Variants in USP40 observed in about 807,000 individuals in gnomAD.
The protein encoded by USP40 is ubiquitin specific peptidase 40, also known as ubiquitin carboxyl-terminal hydrolase 40.
USP40 carries 143 observed loss-of-function variants against 166.2 expected under a neutral mutation model. The observed-to-expected ratio is 0.86, with a 90% CI of 0.75 to 0.99. The LOEUF (loss-of-function observed/expected upper bound fraction) is 0.99, where lower values mean the gene tolerates loss of function less well. USP40 is among the 50% of genes least tolerant of loss of function. The pLI, the probability that USP40 is intolerant of heterozygous loss-of-function variation, is 0.00. For synonymous variants in USP40, 498 were observed against 524.0 expected (o/e 0.95, Z 0.68); for missense variants, 1,444 against 1,479.7 (o/e 0.98, Z 0.40).
At chr2:233,532,658 C>A (rs558812322) in intron 11 of USP40, among the ~76,000 whole-genome samples, 2 of 152,274 alleles carry the variant, frequency 1.3e-5, no homozygotes, top group South Asian at 2.1e-4. Context: ...AGAACCTGGA[C>A]AACTTGCACT....
At position 233,529,415 on chromosome 2, in the gene USP40, A is replaced by C. The variant is rs371106634; in HGVS notation, c.1553+16T>G. 7 of 1,551,162 alleles carry C rather than the reference A, an allele frequency of 4.5e-6. No homozygotes were observed. In the African/African-American group the frequency reaches 8.2e-5, roughly 18 times the overall value. ...TCCGGAATACTAGTCAAACTCTAAA[A>C]GCAATTTAAAATTACCTTTTGGTTT... On this transcript the variant is annotated intron_variant, in intron 12 of 31. Coordinates refer to ENST00000678225, the MANE Select transcript of USP40 (RefSeq NM_001365479.2).
At chr2:233,543,941 A>G (rs2069662803) in intron 8 of USP40, among the ~76,000 whole-genome samples, 1 of 152,230 alleles carries the variant, frequency 6.6e-6, no homozygotes, top group Admixed American at 6.5e-5. Flanking sequence ...TCAAACAACA[A>G]TCAATTCTCC....
intron 25 of USP40, 37 bp from the exon 26 acceptor site, chr2:233,491,298 T>G (rs2065321222): frequency 2.8e-6 from 4 of 1,436,756 alleles, no homozygotes; most frequent in Non-Finnish European, 3.9e-6. Flanking sequence ...ACAAGGAACT[T>G]GAAACTTATT....
At chr2:233,537,021 T>C (rs10929200) in intron 10 of USP40, among the ~76,000 whole-genome samples, 124,387 of 151,888 alleles carry the variant, frequency 0.82, 51,143 homozygotes, top group East Asian at 0.96. Context: ...ATAGCTGGGA[T>C]TACATGTGCG....
chr2:233,550,195 A>G (rs2070424769), intron 7 of USP40, among the ~76,000 whole-genome samples: 1 of 152,134 alleles, frequency 6.6e-6, no homozygotes, highest in African/African-American at 2.4e-5. Flanking sequence ...AGTGGGCAGC[A>G]TTTTAAAATG....
intron 24 of USP40, among the ~76,000 whole-genome samples, chr2:233,494,939 T>A (rs376775598): frequency 1.7e-4 from 8 of 47,482 alleles, no homozygotes; most frequent in Non-Finnish European, 2.5e-4. Context: ...TATATATATA[T>A]ATATATATAT....
chr2:233,514,768 G>T (rs997971116), intron 18 of USP40, among the ~76,000 whole-genome samples: 1 of 152,122 alleles, frequency 6.6e-6, no homozygotes, highest in Non-Finnish European at 1.5e-5. Context: ...ACTTTACTGA[G>T]TTATAATTTT....
chr2:233,521,862 TATG>T (rs1315932276), intron 16 of USP40, among the ~76,000 whole-genome samples: 3 of 152,230 alleles, frequency 2.0e-5, no homozygotes, highest in Non-Finnish European at 4.4e-5. Flanking sequence ...TGAAAAACTG[TATG>T]ATAATTATGA....
At chr2:233,511,827 G>A (rs1026045694) in intron 19 of USP40, 30 bp from the exon 20 acceptor site, 11 of 1,503,942 alleles carry the variant, frequency 7.3e-6, no homozygotes, top group Non-Finnish European at 9.1e-6. Flanking sequence ...TATGATGAAG[G>A]TTATTAATTC....
chr2:233,508,820 C>G (rs917251756), intron 21 of USP40, among the ~76,000 whole-genome samples: 3 of 152,188 alleles, frequency 2.0e-5, no homozygotes, highest in African/African-American at 7.2e-5. Flanking sequence ...GGTAACTGCA[C>G]ATTTTTGTAT....
intron 11 of USP40, among the ~76,000 whole-genome samples, chr2:233,532,188 C>T (rs1292086273): frequency 1.3e-5 from 2 of 152,194 alleles, no homozygotes; most frequent in African/African-American, 4.8e-5. Flanking sequence ...GTAGGGTCTT[C>T]GTTTGCATCT....
At chr2:233,565,723 A>G in intron 1 of USP40, 150 bp from the exon 2 acceptor site, 1 of 672,614 alleles carries the variant, frequency 1.5e-6, no homozygotes, top group Non-Finnish European at 2.4e-6. Context: ...AGGCAGCAAG[A>G]TCTAGATTTT....
chr2:233,553,690 A>G (rs1274493824), intron 6 of USP40, among the ~76,000 whole-genome samples: 1 of 152,252 alleles, frequency 6.6e-6, no homozygotes, highest in Non-Finnish European at 1.5e-5. Context: ...CCTGGAATGG[A>G]AAATAACTAT....
At chr2:233,528,534 T>C (rs4233627) in intron 12 of USP40, among the ~76,000 whole-genome samples, 120,410 of 152,140 alleles carry the variant, frequency 0.79, 47,741 homozygotes, top group East Asian at 0.87. Flanking sequence ...TGCGGGTTGA[T>C]GACAGCCCCT....
rs78442705 is a variant in USP40, at chr2:233,481,967, C to T, written c.3505-670G>A. 1.5e-3 allele frequency among the ~76,000 whole-genome samples: 232 copies of T among 152,302 alleles called. 4 individuals carry two copies. Among genetic ancestry groups the T allele is most frequent in the African/African-American group, 5.2e-3 (218 of 41,556 alleles). On this transcript the variant is annotated intron_variant, in intron 30 of 31. Transcript: ENST00000678225. ...GACACAGCGCAGGGTCTGCGGGGTT[C>T]GTGCTGGGGGTTGCCCAGGTCGCTG...
At chr2:233,488,802 A>G (rs1313824212) in intron 27 of USP40, among the ~76,000 whole-genome samples, 4 of 152,136 alleles carry the variant, frequency 2.6e-5, no homozygotes, top group African/African-American at 9.7e-5. Flanking sequence ...GCTACACAGG[A>G]GGCTGAGGTG....
intron 13 of USP40, among the ~76,000 whole-genome samples, chr2:233,526,396 G>A (rs1259859660): frequency 6.6e-6 from 1 of 151,924 alleles, no homozygotes; most frequent in Non-Finnish European, 1.5e-5. Flanking sequence ...TATCAACAGT[G>A]CCAGAATTGG....
intron 8 of USP40, among the ~76,000 whole-genome samples, chr2:233,542,833 G>C (rs918721915): frequency 6.6e-6 from 1 of 152,156 alleles, no homozygotes; most frequent in African/African-American, 2.4e-5. Context: ...GTTGTAAATT[G>C]GGAATACGAA....
chr2:233,564,286 T>C (rs137924222), intron 2 of USP40, among the ~76,000 whole-genome samples: 4 of 152,196 alleles, frequency 2.6e-5, no homozygotes, highest in East Asian at 3.9e-4. Context: ...GCAAACCAGA[T>C]AGGATGAGTC....
Sources: gnomAD v4.1 joint callset for allele counts (sites outside exome capture counted in the v4.1 genomes callset) on GRCh38, gnomAD v4.1.1 for gene constraint, MANE v1.5 for transcripts, NCBI Gene and HGNC (gene_info 2026-07-23, HGNC 2026-07-21) for gene names.